MEGF11: variants seen among roughly 807,000 people sequenced by gnomAD.
MEGF11 encodes multiple epidermal growth factor-like domains protein 11.
A neutral mutation model predicts 146.6 loss-of-function variants in MEGF11; 126 were observed. The observed-to-expected ratio is 0.86, with a 90% CI of 0.74 to 1.00. The LOEUF (loss-of-function observed/expected upper bound fraction) is 1.00, where lower values mean the gene tolerates loss of function less well. Among genes scored for constraint, MEGF11 ranks in the 50% least tolerant of loss-of-function variants. The pLI is 0.00. For synonymous variants in MEGF11, 532 were observed against 583.4 expected (o/e 0.91, Z 1.27); for missense variants, 1,509 against 1,521.2 (o/e 0.99, Z 0.13).
chr15:66,109,004 C>T (rs188989024), intron 4 of MEGF11, among the ~76,000 whole-genome samples: 1 of 152,354 alleles, frequency 6.6e-6, no homozygotes, highest in Admixed American at 6.5e-5. Flanking sequence ...ATTACATCCA[C>T]AGCTGGTGAT....
chr15:66,118,696 T>A (rs1288357268), intron 4 of MEGF11, among the ~76,000 whole-genome samples: 1 of 152,062 alleles, frequency 6.6e-6, no homozygotes, highest in Non-Finnish European at 1.5e-5. Context: ...TACATACCCA[T>A]CCATCTCTCC....
At chr15:65,998,075 A>G (rs1299431004) in intron 5 of MEGF11, among the ~76,000 whole-genome samples, 1 of 152,108 alleles carries the variant, frequency 6.6e-6, no homozygotes, top group East Asian at 1.9e-4. Flanking sequence ...TGAGGTAGAG[A>G]AGGCAGGTGA....
At chr15:66,032,884 A>C (rs2083578951) in intron 5 of MEGF11, among the ~76,000 whole-genome samples, 2 of 152,174 alleles carry the variant, frequency 1.3e-5, no homozygotes, top group Non-Finnish European at 2.9e-5. Context: ...GGTCGAGACC[A>C]TCCTGGCTAA....
intron 17 of MEGF11, 93 bp from the exon 18 acceptor site, chr15:65,916,369 G>T: frequency 7.0e-7 from 1 of 1,436,420 alleles, no homozygotes; most frequent in Non-Finnish European, 9.3e-7. Flanking sequence ...CTCTTTTTTT[G>T]CTGAGCATGG....
chr15:66,184,780 C>A (rs1026953626), intron 1 of MEGF11, among the ~76,000 whole-genome samples: 1 of 151,860 alleles, frequency 6.6e-6, no homozygotes, highest in Admixed American at 6.6e-5. Flanking sequence ...CTCTCTGTAA[C>A]TCCCACCCCC....
At chr15:65,981,040 C>T (rs2081620291) in intron 6 of MEGF11, 142 bp from the exon 7 acceptor site, 3 of 1,123,840 alleles carry the variant, frequency 2.7e-6, no homozygotes, top group Non-Finnish European at 3.6e-6. Flanking sequence ...CAGTCCTGCT[C>T]CCTGCCAGGA....
chr15:65,939,271 G>A (rs1469963877), intron 10 of MEGF11, among the ~76,000 whole-genome samples: 1 of 152,168 alleles, frequency 6.6e-6, no homozygotes, highest in Non-Finnish European at 1.5e-5. Context: ...GGAGGAGTAG[G>A]TGGGGTAGGA....
At chr15:66,107,346 A>G (rs563502535) in intron 4 of MEGF11, among the ~76,000 whole-genome samples, 2 of 152,340 alleles carry the variant, frequency 1.3e-5, no homozygotes, top group East Asian at 3.9e-4. Flanking sequence ...AAGAGCAAGC[A>G]TTAGAGGAGA....
At chr15:66,093,375 A>G (rs1022672252) in intron 5 of MEGF11, among the ~76,000 whole-genome samples, 1 of 152,256 alleles carries the variant, frequency 6.6e-6, no homozygotes, top group African/African-American at 2.4e-5. Context: ...CACTGGGCCA[A>G]CATGGACCCA....
At position 66,163,000 on chromosome 15, in the gene MEGF11, G is replaced by C. The variant is rs560841449; in HGVS notation, c.-8-34589C>G. Among the ~76,000 whole-genome samples, 178 of 152,154 alleles carry C rather than the reference G, an allele frequency of 1.2e-3. 1 individual carries two copies. The South Asian group carries it at 0.018, about 15-fold the overall frequency. On this transcript the variant is annotated intron_variant, in intron 1 of 25. Transcript: ENST00000395614. Reference sequence around the variant, plus strand: ...GAGATTTGTATATGTAGGTATATTCGATCCTGCAACATACTGCTCATATAC... The same window carrying C: ...GAGATTTGTATATGTAGGTATATTCCATCCTGCAACATACTGCTCATATAC...
At chr15:66,002,834 C>T (rs1343902192) in intron 5 of MEGF11, among the ~76,000 whole-genome samples, 1 of 152,062 alleles carries the variant, frequency 6.6e-6, no homozygotes, top group South Asian at 2.1e-4. Context: ...ATTAGAACTG[C>T]AGAACCTGAG....
intron 1 of MEGF11, among the ~76,000 whole-genome samples, chr15:66,171,753 G>T (rs1047069752): frequency 1.4e-5 from 2 of 145,716 alleles, no homozygotes; most frequent in African/African-American, 2.6e-5. Context: ...ACTACCATGC[G>T]CATTTTCCTC....
At chr15:65,938,909 G>T (rs2079881902) in intron 10 of MEGF11, among the ~76,000 whole-genome samples, 2 of 152,216 alleles carry the variant, frequency 1.3e-5, no homozygotes, top group South Asian at 4.1e-4. Context: ...GCAATATGCT[G>T]CTTTGTAGTT....
At chr15:66,173,208 C>T (rs987908784) in intron 1 of MEGF11, among the ~76,000 whole-genome samples, 1 of 152,216 alleles carries the variant, frequency 6.6e-6, no homozygotes. Context: ...CCTAGACCAT[C>T]TCTACCACAA....
chr15:66,186,144 T>C (rs2090693446), intron 1 of MEGF11, among the ~76,000 whole-genome samples: 2 of 152,134 alleles, frequency 1.3e-5, no homozygotes, highest in African/African-American at 4.8e-5. Context: ...CTCCCCATAA[T>C]TTTCAGGCTT....
intron 5 of MEGF11, among the ~76,000 whole-genome samples, chr15:66,074,036 C>CCAGT (rs2140488858): frequency 6.6e-6 from 1 of 152,304 alleles, no homozygotes; most frequent in South Asian, 2.1e-4. Context: ...TTAACATCCT[C>CCAGT]CAGTCTTGCT....
chr15:65,898,092 G>C lies in MEGF11; in HGVS notation c.3265C>G (p.Pro1089Ala). The C allele has an allele frequency of 6.2e-7, 1 of 1,612,646 alleles. No homozygotes were observed. The highest frequency in any genetic ancestry group is 8.5e-7 in the Non-Finnish European group (1 of 1,179,220). Reference protein sequence around the residue: ...TSNKNIYEVEPTVSVVQEGCG... With the variant: ...TSNKNIYEVEATVSVVQEGCG... The stretch of plus-strand genomic sequence containing the variant: ...CCTTCTTGGACCACACTGACTGTGG[G>C]CTCTAAGAAATATAGTGAAAAATGA... The change falls in exon 26 of 26, where the codon CCC becomes GCC. Residue 1089 changes from proline to alanine, a missense_variant and splice_region_variant. By Grantham distance (27) the Pro-to-Ala change is conservative. Coordinates refer to ENST00000395614, the MANE Select transcript of MEGF11 (RefSeq NM_001385028.1).
chr15:66,100,393 G>T (rs2086741365), intron 4 of MEGF11, among the ~76,000 whole-genome samples: 1 of 152,206 alleles, frequency 6.6e-6, no homozygotes, highest in Admixed American at 6.5e-5. Flanking sequence ...GCTGTCCAAA[G>T]AGGGACAAGG....
intron 5 of MEGF11, among the ~76,000 whole-genome samples, chr15:66,066,431 A>T (rs1221165637): frequency 1.3e-5 from 2 of 152,222 alleles, no homozygotes; most frequent in Admixed American, 1.3e-4. Flanking sequence ...ATAGGAATTT[A>T]AAATTTTTAT....
Sources: allele counts gnomAD v4.1 joint callset (sites outside exome capture counted in the v4.1 genomes callset), GRCh38; gene constraint gnomAD v4.1.1; transcripts MANE v1.5; gene names NCBI Gene and HGNC (gene_info 2026-07-23, HGNC 2026-07-21).